The following IL1RAPL1 variants were observed in gnomAD, a reference collection of about 807,000 sequenced individuals.
The protein encoded by IL1RAPL1 is interleukin 1 receptor accessory protein like 1.
Under a neutral mutation model 48.4 loss-of-function variants are expected in IL1RAPL1, and 3 were observed. The ratio of observed to expected loss-of-function variants is 0.06; its 90% confidence interval spans 0.03 to 0.16. The LOEUF (loss-of-function observed/expected upper bound fraction) is 0.16, where lower values mean the gene tolerates loss of function less well. Among genes scored for constraint, IL1RAPL1 ranks in the 10% least tolerant of loss-of-function variants. The probability of loss-of-function intolerance (pLI) is 1.00; values close to 1 mark genes in which losing one functional copy is unlikely to be tolerated. For synonymous variants in IL1RAPL1, 185 were observed against 187.7 expected (o/e 0.99, Z 0.12); for missense variants, 349 against 530.6 (o/e 0.66, Z 3.36).
chrX:29,212,389 A>T (rs768974747), intron 2 of IL1RAPL1, among the ~76,000 whole-genome samples: 1 of 111,202 alleles, frequency 9.0e-6, no homozygotes, highest in East Asian at 2.8e-4. Flanking sequence ...GCTCACTGCA[A>T]CCTCTGCCTC....
chrX:28,729,308 A>T (rs1303052878), intron 1 of IL1RAPL1, among the ~76,000 whole-genome samples: 1 of 111,188 alleles, frequency 9.0e-6, no homozygotes, highest in Non-Finnish European at 1.9e-5. Flanking sequence ...TCTAGGTAGG[A>T]CTCCAGAATT....
intron 2 of IL1RAPL1, among the ~76,000 whole-genome samples, chrX:28,829,382 G>C (rs963923635): frequency 1.8e-4 from 20 of 110,484 alleles, no homozygotes; most frequent in African/African-American, 6.6e-4. Context: ...CTGGTACAGT[G>C]TTGAATGGAA....
Position 29,582,377 on chromosome X carries a change from A to T in IL1RAPL1, c.704-86053A>T, listed in dbSNP as rs752363266. Among the ~76,000 whole-genome samples the T allele has an allele frequency of 1.6e-3, 161 of 101,958 alleles. No homozygotes were observed. In the Admixed American group the frequency reaches 0.016, roughly 10 times the overall value. The allele number at this position is 101,958 out of a possible 115,157, so 88.5% of individuals were successfully genotyped here. Reference sequence around the variant, plus strand: ...TTTTTTTTTATTTTTTTATTTTTTTATTTTTATTTTTATTTTTTATTTTTT... The same window carrying T: ...TTTTTTTTTATTTTTTTATTTTTTTTTTTTTATTTTTATTTTTTATTTTTT... On this transcript the variant is annotated intron_variant, in intron 5 of 10. Coordinates refer to ENST00000378993, the MANE Select transcript of IL1RAPL1 (RefSeq NM_014271.4).
chrX:29,196,482 G>A (rs1930446292), intron 2 of IL1RAPL1, among the ~76,000 whole-genome samples: 1 of 111,983 alleles, frequency 8.9e-6, no homozygotes, highest in Non-Finnish European at 1.9e-5. Context: ...TAAATTCCTA[G>A]ATTGTATTTG....
At chrX:29,782,888 A>ATTTTTTTTTTTTTTTTTTT (rs780831874) in intron 6 of IL1RAPL1, among the ~76,000 whole-genome samples, 1 of 31,069 alleles carries the variant, frequency 3.2e-5, no homozygotes, top group African/African-American at 1.3e-4. Context: ...TGATCGTGAC[A>ATTTTTTTTTTTTTTTTTTT]TTTTTTTTTT....
chrX:28,819,183 A>C (rs1044872214), intron 2 of IL1RAPL1, among the ~76,000 whole-genome samples: 1 of 110,907 alleles, frequency 9.0e-6, no homozygotes, highest in South Asian at 3.7e-4. Context: ...ATAATGAATT[A>C]TTCCCTTAAA....
At chrX:28,704,834 A>AAAAAAC (rs1935351882) in intron 1 of IL1RAPL1, among the ~76,000 whole-genome samples, 1 of 98,837 alleles carries the variant, frequency 1.0e-5, no homozygotes, top group African/African-American at 4.0e-5. Flanking sequence ...ACACACACAA[A>AAAAAAC]AAAAAAAAAA....
chrX:28,843,321 G>A (rs1921424113), intron 2 of IL1RAPL1, among the ~76,000 whole-genome samples: 1 of 109,875 alleles, frequency 9.1e-6, no homozygotes, highest in Admixed American at 9.8e-5. Context: ...AAAGGGCTTG[G>A]CTTAATTTCT....
chrX:29,343,355 A>T (rs1933108205), intron 3 of IL1RAPL1, among the ~76,000 whole-genome samples: 1 of 111,342 alleles, frequency 9.0e-6, no homozygotes, highest in Non-Finnish European at 1.9e-5. Flanking sequence ...GGGGCTCATG[A>T]GCAAATAGGG....
At chrX:29,667,615 A>C in intron 5 of IL1RAPL1, among the ~76,000 whole-genome samples, 1 of 112,058 alleles carries the variant, frequency 8.9e-6, no homozygotes, top group Non-Finnish European at 1.9e-5. Context: ...GACTAACTAA[A>C]GTCCAGATAT....
chrX:28,809,788 G>T (rs770244310), intron 2 of IL1RAPL1, among the ~76,000 whole-genome samples: 1 of 109,216 alleles, frequency 9.2e-6, no homozygotes, highest in Non-Finnish European at 1.9e-5. Flanking sequence ...TTTTTCCAAA[G>T]AATCTTTTTT....
chrX:28,792,787 C>CAAAAAAAA (rs1189410830), intron 2 of IL1RAPL1, among the ~76,000 whole-genome samples: 2 of 9,725 alleles, frequency 2.1e-4, no homozygotes, highest in African/African-American at 8.6e-4. Context: ...GACTCCATCT[C>CAAAAAAAA]AAAAAAAAAA....
intron 2 of IL1RAPL1, chrX:28,942,166 A>C (rs116310240): frequency 9.1e-6 from 1 of 109,879 alleles, no homozygotes; most frequent in Non-Finnish European, 1.9e-5. Flanking sequence ...GCTTGCCACT[A>C]TAAGTGTTCA....
intron 3 of IL1RAPL1, among the ~76,000 whole-genome samples, chrX:29,332,448 A>G (rs1248817561): frequency 1.1e-5 from 1 of 91,005 alleles, no homozygotes; most frequent in Non-Finnish European, 2.1e-5. Context: ...TACATGCTCC[A>G]TTGGCAGCCC....
chrX:29,492,579 G>A (rs983778519), intron 5 of IL1RAPL1, among the ~76,000 whole-genome samples: 3 of 111,724 alleles, frequency 2.7e-5, no homozygotes, highest in African/African-American at 9.8e-5. Context: ...TTCTTACGTG[G>A]CATCACTCTG....
In IL1RAPL1 at chrX:28,896,005, G is replaced by A. The variant is rs374029347; in HGVS notation, c.82+106580G>A. ...TGGCACGCGGCTTAGGAGGAATCCC[G>A]GGCTGTGGGCATTACTTGGCCTGGT... On this transcript the variant is annotated intron_variant, in intron 2 of 10. Transcript: ENST00000378993. 2.7e-4 allele frequency among the ~76,000 whole-genome samples: 30 copies of A among 112,189 alleles called. No homozygotes were observed. In the East Asian group the frequency reaches 7.6e-3, roughly 29 times the overall value.
chrX:29,509,933 G>A (rs1935376641), intron 5 of IL1RAPL1, among the ~76,000 whole-genome samples: 1 of 111,965 alleles, frequency 8.9e-6, no homozygotes, highest in South Asian at 3.7e-4. Flanking sequence ...AATGTCAAGA[G>A]TAAACTGTAA....
chrX:29,091,553 G>T (rs1346350287), intron 2 of IL1RAPL1, among the ~76,000 whole-genome samples: 3 of 111,783 alleles, frequency 2.7e-5, no homozygotes, highest in Non-Finnish European at 5.6e-5. Context: ...ACATTTGATT[G>T]TGACTGTCTT....
intron 7 of IL1RAPL1, 102 bp downstream of exon 7, chrX:29,917,698 A>T: frequency 1.6e-6 from 1 of 619,220 alleles, no homozygotes; most frequent in Non-Finnish European, 2.6e-6. Flanking sequence ...TACTAGTATC[A>T]TAATAAAAAT....
Sources: gnomAD v4.1 joint callset for allele counts (sites outside exome capture counted in the v4.1 genomes callset) on GRCh38, gnomAD v4.1.1 for gene constraint, MANE v1.5 for transcripts, NCBI Gene and HGNC (gene_info 2026-07-23, HGNC 2026-07-21) for gene names.